The following SCARB1 variants were observed in gnomAD, a reference collection of about 807,000 sequenced individuals.
The protein encoded by SCARB1 is scavenger receptor class B member 1, also known as CD36 and LIMPII analogous 1.
In SCARB1, 30 loss-of-function variants were observed where a neutral mutation model predicts 57.2. The ratio of observed to expected loss-of-function variants is 0.52; its 90% CI spans 0.39 to 0.71. The LOEUF (loss-of-function observed/expected upper bound fraction) is 0.71. Ranked by LOEUF, SCARB1 falls within the 30% of genes least tolerant of loss-of-function variation. The probability of loss-of-function intolerance (pLI) is 0.00; values close to 1 mark genes in which losing one functional copy is unlikely to be tolerated. For synonymous variants in SCARB1, 249 were observed against 268.3 expected, an observed-to-expected ratio of 0.93 and a Z score of 0.70; for missense variants, 543 against 671.2, an observed-to-expected ratio of 0.81 and a Z score of 2.11.
chr12:124,787,543 G>A, intron 9 of SCARB1, 86 bp from the exon 10 acceptor site: 3 of 1,224,854 alleles, frequency 2.4e-6, no homozygotes, highest in Non-Finnish European at 3.5e-6. Flanking sequence ...CATCTAAACA[G>A]GTTTAGTATA....
intron 11 of SCARB1, chr12:124,785,993 A>G: frequency 7.2e-7 from 1 of 1,384,056 alleles, no homozygotes; most frequent in South Asian, 1.5e-5. Flanking sequence ...CAGGGATCTC[A>G]GCTGTCTCCT....
At chr12:124,779,771 C>T (rs772261174) in intron 12 of SCARB1, among the ~76,000 whole-genome samples, 10 of 152,104 alleles carry the variant, frequency 6.6e-5, no homozygotes, top group Non-Finnish European at 1.0e-4. Context: ...GAAACCGCTG[C>T]CCACCTCCGC....
At chr12:124,858,740 G>A (rs1594412601) in intron 1 of SCARB1, among the ~76,000 whole-genome samples, 1 of 152,018 alleles carries the variant, frequency 6.6e-6, no homozygotes, top group Non-Finnish European at 1.5e-5. Context: ...CTAGGTGGGT[G>A]CGGTGGCGGG....
At chr12:124,856,106 G>C (rs537560572) in intron 1 of SCARB1, among the ~76,000 whole-genome samples, 36 of 152,340 alleles carry the variant, frequency 2.4e-4, no homozygotes, top group Non-Finnish European at 3.2e-4. Flanking sequence ...ATGTTTCCTG[G>C]AAACCCCAGG....
chr12:124,798,041 C>T lies in SCARB1; in HGVS notation c.1128+2083G>A, dbSNP rs115728968. On this transcript the variant is annotated intron_variant, in intron 8 of 12. Transcript: ENST00000261693. ...GCTGTGGCCAAGATACGGAATCAAGCGAAGTGTCCGTCAGTGAATGAATGG... is the reference window on the plus strand; with the variant it reads ...GCTGTGGCCAAGATACGGAATCAAGTGAAGTGTCCGTCAGTGAATGAATGG... Among the ~76,000 whole-genome samples, 808 of 152,308 alleles carry T rather than the reference C, an allele frequency of 5.3e-3. 9 individuals are homozygous for T. Among genetic ancestry groups the T allele is most frequent in the African/African-American group, 0.018 (766 of 41,550 alleles).
intron 1 of SCARB1, among the ~76,000 whole-genome samples, chr12:124,861,526 A>G (rs141572293): frequency 6.6e-6 from 1 of 152,120 alleles, no homozygotes; most frequent in East Asian, 1.9e-4. Context: ...TTGCACACAG[A>G]CTCATGTAGC....
chr12:124,859,869 T>C (rs1210630159), intron 1 of SCARB1, among the ~76,000 whole-genome samples: 3 of 151,450 alleles, frequency 2.0e-5, no homozygotes, highest in African/African-American at 2.4e-5. Flanking sequence ...TTTTTAAACA[T>C]AAATAGCACC....
chr12:124,800,138 G>A lies in SCARB1; in HGVS notation c.1114C>T (p.Leu372=). The A allele has an allele frequency of 1.2e-6, 2 of 1,612,822 alleles. No individual in the cohort carries two copies. Among genetic ancestry groups the A allele is most frequent in the Non-Finnish European group, 1.7e-6 (2 of 1,178,836 alleles). Residue 372 remains leucine (L), a synonymous_variant, in exon 8 of 13, where the codon CTG becomes TTG. Transcript: ENST00000261693. The surrounding 1 kb of genome is among the most constrained non-coding windows in gnomAD (Gnocchi z 4.8). ...HPNQEAHSLF[L]DIHPVTGIPM... Reference sequence around the variant, plus strand: ...CAGGGGCTCACCGGGTGGATGTCCAGGAACAAGGAGTGTGCCTCCTGGTTA... The same window carrying A: ...CAGGGGCTCACCGGGTGGATGTCCAAGAACAAGGAGTGTGCCTCCTGGTTA...
intron 10 of SCARB1, among the ~76,000 whole-genome samples, chr12:124,786,974 G>T (rs1045541818): frequency 6.6e-6 from 1 of 152,090 alleles, no homozygotes; most frequent in Non-Finnish European, 1.5e-5. Flanking sequence ...AGGTGGGCAA[G>T]AAACAATAAA....
At chr12:124,848,738 G>A (rs1236750351) in intron 1 of SCARB1, among the ~76,000 whole-genome samples, 1 of 152,240 alleles carries the variant, frequency 6.6e-6, no homozygotes, top group East Asian at 1.9e-4. Context: ...TGGTACATCC[G>A]CACCGTGGAG....
intron 1 of SCARB1, among the ~76,000 whole-genome samples, chr12:124,829,318 A>C (rs1172060261): frequency 6.6e-6 from 1 of 152,052 alleles, no homozygotes; most frequent in Non-Finnish European, 1.5e-5. Context: ...TGGGTGCCGT[A>C]GTTTCCCCGC....
chr12:124,794,755 A>T (rs1216647867), intron 9 of SCARB1, among the ~76,000 whole-genome samples: 1 of 151,896 alleles, frequency 6.6e-6, no homozygotes. Flanking sequence ...ACATGGTGAA[A>T]CCCCATCTCT....
At chr12:124,844,780 A>C (rs1290883816) in intron 1 of SCARB1, among the ~76,000 whole-genome samples, 1 of 151,264 alleles carries the variant, frequency 6.6e-6, no homozygotes, top group Non-Finnish European at 1.5e-5. Flanking sequence ...TCTTTGGCCC[A>C]TGCACCTGTT....
Position 124,817,783 on chromosome 12 carries a change from G to C in SCARB1, c.127-76C>G. The C allele has an allele frequency of 6.5e-7, 1 of 1,534,764 alleles. No individual in the cohort carries two copies. Among genetic ancestry groups the C allele is most frequent in the Non-Finnish European group, 9.0e-7 (1 of 1,108,668 alleles). ...CGCCCCACCACAAGGCTCCGGAACA[G>C]CTGCCCGAGCCCGGCCAGGGAAGGG... On this transcript the variant is annotated intron_variant, in intron 1 of 12. Coordinates refer to ENST00000261693, the MANE Select transcript of SCARB1 (RefSeq NM_005505.5). The surrounding 1 kb of genome is among the most constrained non-coding windows in gnomAD (Gnocchi z 4.8).
intron 1 of SCARB1, among the ~76,000 whole-genome samples, chr12:124,820,807 C>T (rs1191677481): frequency 6.6e-6 from 1 of 152,154 alleles, no homozygotes; most frequent in Admixed American, 6.5e-5. Flanking sequence ...AGGAGGGAAC[C>T]GTAGAGGTGA....
Position 124,800,166 on chromosome 12 carries a change from G to A in SCARB1, c.1086C>T (p.His362=). Residue 362 remains histidine (H), a synonymous_variant, in exon 8 of 13, where the codon CAC becomes CAT. Coordinates refer to ENST00000261693, the MANE Select transcript of SCARB1 (RefSeq NM_005505.5). This position sits in a 1 kb window ranked among gnomAD's most constrained non-coding sequence, Gnocchi z 4.8. ...PVLAEAVTGL[H]PNQEAHSLFL... is the part of the protein sequence containing the mutation. ...ACAAGGAGTGTGCCTCCTGGTTAGG[G>A]TGCAGGCCAGTCACCGCTTCTGCCA... 2 of 1,613,988 alleles carry A rather than the reference G, an allele frequency of 1.2e-6. No individual in the cohort carries two copies. Among genetic ancestry groups the A allele is most frequent in the South Asian group, 2.2e-5 (2 of 91,080 alleles).
rs535072496 is a variant in SCARB1 at position 124,845,434 on chromosome 12, C to T, written c.126+18161G>A. 1.9e-3 allele frequency among the ~76,000 whole-genome samples: 282 copies of T among 151,558 alleles called. 1 individual carries two copies. The highest frequency in any genetic ancestry group is 6.7e-3 in the African/African-American group (276 of 41,236). ...GCAGGGCCGGGCACGGTGGCTCAGG[C>T]CTGTAATCCCAACACTTTGGGACCG... On this transcript the variant is annotated intron_variant, in intron 1 of 12. Coordinates refer to ENST00000261693, the MANE Select transcript of SCARB1 (RefSeq NM_005505.5).
chr12:124,822,047 G>A lies in SCARB1; in HGVS notation c.127-4340C>T, dbSNP rs917946492. 9.2e-5 allele frequency among the ~76,000 whole-genome samples: 14 copies of A among 152,136 alleles called. No individual in the cohort carries two copies. Among genetic ancestry groups the A allele is most frequent in the African/African-American group, 2.9e-4 (12 of 41,438 alleles). ...TGGACGCCACTCCCTCCCATCTGGC[G>A]AAATAGACCCTTTGAGCCCAGGAAG... On this transcript the variant is annotated intron_variant, in intron 1 of 12. Transcript: ENST00000261693. The surrounding 1 kb of genome is among the most constrained non-coding windows in gnomAD (Gnocchi z 5.0).
intron 11 of SCARB1, chr12:124,784,311 G>A (rs564130394): frequency 6.6e-6 from 1 of 152,394 alleles, no homozygotes; most frequent in African/African-American, 2.4e-5. Context: ...CTGGGTTCTG[G>A]CTCCCCCTGG....
Sources: gnomAD v4.1 joint callset for allele counts (sites outside exome capture counted in the v4.1 genomes callset) on GRCh38, gnomAD v4.1.1 for gene constraint, Gnocchi (gnomAD v3.1) non-coding constraint, MANE v1.5 for transcripts, NCBI Gene and HGNC (gene_info 2026-07-23, HGNC 2026-07-21) for gene names.